Variants in PRKCH observed in about 807,000 individuals in gnomAD.
The protein encoded by PRKCH is protein kinase C eta type.
In PRKCH, 28 loss-of-function variants were observed where a neutral mutation model predicts 82.5. That is an observed-to-expected ratio of 0.34 (90% CI 0.25 to 0.47). The LOEUF (loss-of-function observed/expected upper bound fraction) is 0.47, where lower values mean the gene tolerates loss of function less well. Among genes scored for constraint, PRKCH ranks in the 20% least tolerant of loss-of-function variants. The pLI is 1.00. For synonymous variants in PRKCH, 322 were observed against 327.4 expected (o/e 0.98, Z 0.18); for missense variants, 705 against 881.8 (o/e 0.80, Z 2.54).
chr14:61,225,264 C>A (rs2044688262), intron 1 of PRKCH, among the ~76,000 whole-genome samples: 1 of 152,324 alleles, frequency 6.6e-6, no homozygotes, highest in Admixed American at 6.5e-5. Flanking sequence ...AGCTCTGGAA[C>A]TTTCTGTGGG....
At chr14:61,451,915 T>C (rs757291210) in intron 6 of PRKCH, among the ~76,000 whole-genome samples, 3 of 152,204 alleles carry the variant, frequency 2.0e-5, no homozygotes, top group Admixed American at 6.5e-5. Context: ...AGAACACTAA[T>C]AATTTTTTTC....
At chr14:61,366,335 T>A (rs2046296619) in intron 1 of PRKCH, among the ~76,000 whole-genome samples, 1 of 152,166 alleles carries the variant, frequency 6.6e-6, no homozygotes, top group African/African-American at 2.4e-5. Flanking sequence ...GAAAAAATTT[T>A]AAGCAAGCAA....
Position 61,517,364 on chromosome 14 carries a change from C to A in PRKCH, c.1434-11711C>A, listed in dbSNP as rs373501450. On this transcript the variant is annotated intron_variant, in intron 10 of 13. Coordinates refer to ENST00000332981, the MANE Select transcript of PRKCH (RefSeq NM_006255.5). ...GGCAAAGCAAGGACATTGCTATTTT[C>A]TGACAATCGAATGTCTTCGAGGAAC... Among the ~76,000 whole-genome samples, 19 of 152,248 alleles carry A rather than the reference C, an allele frequency of 1.2e-4. No homozygotes were observed. The South Asian group carries it at 1.7e-3, about 13-fold the overall frequency.
chr14:61,402,791 C>T (rs765517856), intron 2 of PRKCH, among the ~76,000 whole-genome samples: 1 of 150,016 alleles, frequency 6.7e-6, no homozygotes, highest in Non-Finnish European at 1.5e-5. Flanking sequence ...GAGCGAAACT[C>T]TGTCTCAAAA....
At chr14:61,438,059 A>G (rs1883762344) in intron 2 of PRKCH, among the ~76,000 whole-genome samples, 1 of 152,190 alleles carries the variant, frequency 6.6e-6, no homozygotes, top group Non-Finnish European at 1.5e-5. Context: ...TAACTTATCA[A>G]GTCCTCAAAT....
intron 1 of PRKCH, among the ~76,000 whole-genome samples, chr14:61,188,808 C>G (rs1183762885): frequency 6.6e-6 from 1 of 151,582 alleles, no homozygotes; most frequent in Non-Finnish European, 1.5e-5. Flanking sequence ...GCAACCTCCG[C>G]CTCCGGGTTC....
chr14:61,337,691 T>C (rs2045877831), intron 1 of PRKCH, among the ~76,000 whole-genome samples: 1 of 152,202 alleles, frequency 6.6e-6, no homozygotes, highest in Non-Finnish European at 1.5e-5. Context: ...CCTCCCAAAG[T>C]GCTGGGATTA....
chr14:61,506,345 G>A (rs1887147578), intron 10 of PRKCH, among the ~76,000 whole-genome samples: 1 of 152,106 alleles, frequency 6.6e-6, no homozygotes, highest in Non-Finnish European at 1.5e-5. Flanking sequence ...AGGAACTTCG[G>A]TGCACCAAGC....
chr14:61,323,232 G>GCT (rs941968028), intron 1 of PRKCH, among the ~76,000 whole-genome samples: 56 of 152,236 alleles, frequency 3.7e-4, no homozygotes, highest in African/African-American at 1.3e-3. Context: ...GCTACCCGCA[G>GCT]CTCTCCCCTT....
chr14:61,541,716 T>G (rs953002532), intron 12 of PRKCH, among the ~76,000 whole-genome samples: 2 of 152,216 alleles, frequency 1.3e-5, no homozygotes, highest in African/African-American at 4.8e-5. Context: ...TCAGACAGAT[T>G]TTGAAAGAGG....
At chr14:61,531,154 A>T (rs1297584734) in intron 12 of PRKCH, among the ~76,000 whole-genome samples, 1 of 152,168 alleles carries the variant, frequency 6.6e-6, no homozygotes, top group Admixed American at 6.5e-5. Context: ...TCATGTTGAG[A>T]AAGTCTTTTC....
intron 2 of PRKCH, among the ~76,000 whole-genome samples, chr14:61,436,990 A>G (rs900571773): frequency 1.3e-5 from 2 of 152,234 alleles, no homozygotes; most frequent in African/African-American, 2.4e-5. Context: ...TAGTTACAGG[A>G]CTATATCTGC....
chr14:61,524,634 A>T (rs1250959331), intron 10 of PRKCH, among the ~76,000 whole-genome samples: 1 of 152,210 alleles, frequency 6.6e-6, no homozygotes. Flanking sequence ...TGCTTTAAAA[A>T]AAATAAAGGC....
intron 1 of PRKCH, among the ~76,000 whole-genome samples, chr14:61,274,827 T>G (rs1349683055): frequency 1.3e-5 from 2 of 152,178 alleles, no homozygotes; most frequent in East Asian, 3.9e-4. Context: ...AAGTTAGGGT[T>G]GGAGACACAG....
intron 1 of PRKCH, among the ~76,000 whole-genome samples, chr14:61,272,711 C>T (rs1014318709): frequency 6.6e-6 from 1 of 152,164 alleles, no homozygotes; most frequent in Non-Finnish European, 1.5e-5. Flanking sequence ...GGTCTGTACC[C>T]TTGCTTCTGA....
intron 1 of PRKCH, among the ~76,000 whole-genome samples, chr14:61,227,389 C>T (rs771369703): frequency 6.6e-6 from 1 of 152,076 alleles, no homozygotes; most frequent in Admixed American, 6.6e-5. Context: ...GTCAGGAGAT[C>T]GGGACCATCC....
At chr14:61,219,758 G>A (rs939537963) in intron 1 of PRKCH, among the ~76,000 whole-genome samples, 1 of 152,148 alleles carries the variant, frequency 6.6e-6, no homozygotes, top group Non-Finnish European at 1.5e-5. Flanking sequence ...ATTGTGTCAA[G>A]TTTTTCAGCT....
chr14:61,446,362 C>A (rs1047963466), intron 4 of PRKCH, among the ~76,000 whole-genome samples: 9 of 152,224 alleles, frequency 5.9e-5, no homozygotes, highest in African/African-American at 2.2e-4. Context: ...TAGCCAGGCC[C>A]ATCAGGCTTG....
intron 1 of PRKCH, among the ~76,000 whole-genome samples, chr14:61,283,971 T>C (rs916447259): frequency 1.3e-5 from 2 of 152,208 alleles, no homozygotes; most frequent in African/African-American, 4.8e-5. Context: ...AAGGCTTCTT[T>C]TTTAGATGTC....
Sources: gnomAD v4.1 joint callset for allele counts (sites outside exome capture counted in the v4.1 genomes callset) on GRCh38, gnomAD v4.1.1 for gene constraint, MANE v1.5 for transcripts, NCBI Gene and HGNC (gene_info 2026-07-23, HGNC 2026-07-21) for gene names.